The following MRGPRX3 variants were observed in gnomAD, a reference collection of about 807,000 sequenced individuals.
The protein encoded by MRGPRX3 is mas-related G protein-coupled receptor member X3.
MRGPRX3 carries 14 observed loss-of-function variants against 16.5 expected under a neutral mutation model. That is an observed-to-expected ratio of 0.85 (90% CI 0.56 to 1.33). MRGPRX3 has a LOEUF of 1.33. Ranked by LOEUF, MRGPRX3 falls within the 40% of genes most tolerant of loss-of-function variation. The probability of loss-of-function intolerance (pLI) is 0.00; values close to 1 mark genes in which losing one functional copy is unlikely to be tolerated. For missense variants in MRGPRX3, 449 were observed against 413.0 expected (o/e 1.09, Z -0.76); for synonymous variants, 199 against 180.1 (o/e 1.10, Z -0.84).
At position 18,137,728 on chromosome 11, in the gene MRGPRX3, T is replaced by A; in HGVS notation, c.526T>A (p.Ser176Thr). The change falls in exon 2 of 2, where the codon TCA (serine) becomes ACA (threonine). Residue 176 changes from serine to threonine, a missense_variant. Ser to Thr is a moderately conservative substitution (Grantham distance 58, BLOSUM62 1). Coordinates refer to ENST00000621697, the MANE Select transcript of MRGPRX3 (RefSeq NM_001370464.1). ...SGANSVWCET[S>T]DFITIAWLVF... ...TGCTAATTCTGTTTGGTGTGAAACG[T>A]CAGATTTCATTACAATCGCGTGGCT... 1 of 1,614,104 alleles carries A rather than the reference T, an allele frequency of 6.2e-7. No individual in the cohort carries two copies. The highest frequency in any genetic ancestry group is 8.5e-7 in the Non-Finnish European group (1 of 1,180,026).
chr11:18,124,584 G>C (rs1848871816), intron 1 of MRGPRX3, among the ~76,000 whole-genome samples: 1 of 152,168 alleles, frequency 6.6e-6, no homozygotes, highest in Non-Finnish European at 1.5e-5. Flanking sequence ...GCTGGATTCA[G>C]TTTGCCAGTA....
chr11:18,123,442 G>A (rs1362872354), intron 1 of MRGPRX3, among the ~76,000 whole-genome samples: 7 of 152,144 alleles, frequency 4.6e-5, no homozygotes, highest in African/African-American at 2.4e-5. Flanking sequence ...TATTAAATAG[G>A]GAATCCTTTC....
chr11:18,137,594 AC>A lies in MRGPRX3; in HGVS notation c.393del (p.Cys132AlafsTer80), dbSNP rs773349807. On this transcript the variant is annotated frameshift_variant, in exon 2 of 2. Transcript: ENST00000621697. LOFTEE classifies it high-confidence loss of function. ...TCCATCCTGTGGCCCATCTGGTACCACTGCCGCCGCCCCAGATACCTGTCAT... is the reference window on the plus strand; with the variant it reads ...TCCATCCTGTGGCCCATCTGGTACCATGCCGCCGCCCCAGATACCTGTCAT... ...CLSILWPIWY[H>X]CRRPRYLSSV... 1.2e-5 allele frequency: 20 copies of A among 1,613,994 alleles called. No individual in the cohort carries two copies. Among genetic ancestry groups the A allele is most frequent in the Non-Finnish European group, 1.7e-5 (20 of 1,179,992 alleles).
chr11:18,124,962 T>C (rs984992246), intron 1 of MRGPRX3, among the ~76,000 whole-genome samples: 9 of 152,240 alleles, frequency 5.9e-5, no homozygotes, highest in Admixed American at 2.6e-4. Context: ...CTAGATTTTC[T>C]AGTTTATTTG....
chr11:18,128,503 G>A (rs569224736), upstream of MRGPRX3, among the ~76,000 whole-genome samples: 1 of 152,316 alleles, frequency 6.6e-6, no homozygotes, highest in South Asian at 2.1e-4. Context: ...TAGCCTCACT[G>A]CCACCTTGCA....
chr11:18,128,657 T>A (rs1196424495), upstream of MRGPRX3, among the ~76,000 whole-genome samples: 1 of 152,200 alleles, frequency 6.6e-6, no homozygotes, highest in Non-Finnish European at 1.5e-5. Flanking sequence ...AGTGACCCGA[T>A]TTTCCAGGTG....
chr11:18,131,900 T>C (rs1848964008), upstream of MRGPRX3, among the ~76,000 whole-genome samples: 1 of 151,898 alleles, frequency 6.6e-6, no homozygotes, highest in Non-Finnish European at 1.5e-5. Flanking sequence ...CTCTGGGGAC[T>C]TGAGGGGAAG....
intron 1 of MRGPRX3, among the ~76,000 whole-genome samples, chr11:18,123,224 G>A (rs528440631): frequency 7.9e-5 from 12 of 152,170 alleles, no homozygotes; most frequent in Admixed American, 2.0e-4. Context: ...GGCTTTTGTT[G>A]CCATTGCTTT....
At chr11:18,122,483 C>A (rs1407473953) in intron 1 of MRGPRX3, among the ~76,000 whole-genome samples, 1 of 152,116 alleles carries the variant, frequency 6.6e-6, no homozygotes, top group East Asian at 1.9e-4. Context: ...TGATGGTTTC[C>A]AGCCCCATCC....
chr11:18,130,637 A>G (rs2134082717), upstream of MRGPRX3, among the ~76,000 whole-genome samples: 1 of 151,454 alleles, frequency 6.6e-6, no homozygotes, highest in South Asian at 2.1e-4. Context: ...CCAAAATATC[A>G]TCATCATTCT....
In MRGPRX3 at chr11:18,136,985, G is replaced by T. The variant is rs141932458; in HGVS notation, c.-25-193G>T. ...CAGAACTTGTGTGGCAGTAGAGAGAGGTCAGGCTTCAGAGTCAACAAGAAC... is the reference window on the plus strand; with the variant it reads ...CAGAACTTGTGTGGCAGTAGAGAGATGTCAGGCTTCAGAGTCAACAAGAAC... On this transcript the variant is annotated intron_variant, in intron 1 of 1. Coordinates refer to ENST00000621697, the MANE Select transcript of MRGPRX3 (RefSeq NM_001370464.1). Among the ~76,000 whole-genome samples, 669 of 152,268 alleles carry T rather than the reference G, an allele frequency of 4.4e-3. 7 individuals carry two copies. The highest frequency in any genetic ancestry group is 0.015 in the African/African-American group (627 of 41,538).
chr11:18,121,452 TG>T (rs966788455), intron 1 of MRGPRX3, among the ~76,000 whole-genome samples: 4 of 147,012 alleles, frequency 2.7e-5, no homozygotes, highest in African/African-American at 5.1e-5. Flanking sequence ...GGGAGGGAGG[TG>T]GGGGGGTTAG....
At position 18,137,689 on chromosome 11, in the gene MRGPRX3, T is replaced by C. The variant is rs750417450; in HGVS notation, c.487T>C (p.Phe163Leu). The change falls in exon 2 of 2, where the codon TTC becomes CTC. Residue 163 changes from phenylalanine (F) to leucine (L), a missense_variant. By Grantham distance (22) the Phe-to-Leu change is conservative (BLOSUM62 0). Transcript: ENST00000621697. ...RSILEWMFCD[F>L]LFSGANSVWC... is the part of the protein sequence containing the mutation. ...TATCCTGGAGTGGATGTTCTGTGAC[T>C]TCCTGTTTAGTGGTGCTAATTCTGT... is the stretch of plus-strand genomic sequence containing the variant. The C allele has an allele frequency of 7.4e-6, 12 of 1,614,010 alleles. No homozygotes were observed. Among genetic ancestry groups the C allele is most frequent in the Non-Finnish European group, 1.0e-5 (12 of 1,180,026 alleles).
Position 18,137,857 on chromosome 11 carries a change from C to G in MRGPRX3, c.655C>G (p.Leu219Val), listed in dbSNP as rs1244330924. 2 of 1,614,218 alleles carry G rather than the reference C, an allele frequency of 1.2e-6. No homozygotes were observed. The highest frequency in any genetic ancestry group is 1.7e-6 in the Non-Finnish European group (2 of 1,180,048). Residue 219 changes from leucine to valine, a missense_variant, in exon 2 of 2, where the codon CTC (leucine) becomes GTC (valine). Transcript: ENST00000621697. The part of the protein sequence containing the change: ...MPLTRLYVTI[L>V]LTVLVFLLCG... Reference sequence around the variant, plus strand: ...GCTGACCAGGCTGTACGTGACCATCCTCCTCACAGTGCTGGTCTTCCTCCT... The same window carrying G: ...GCTGACCAGGCTGTACGTGACCATCGTCCTCACAGTGCTGGTCTTCCTCCT...
At chr11:18,127,786 C>G (rs1848917331), upstream of MRGPRX3, among the ~76,000 whole-genome samples, 1 of 152,228 alleles carries the variant, frequency 6.6e-6, no homozygotes, top group Admixed American at 6.5e-5. Context: ...AAGTCATTCT[C>G]CGTCCAGCTT....
upstream of MRGPRX3, among the ~76,000 whole-genome samples, chr11:18,128,006 G>A (rs1219237272): frequency 6.6e-6 from 1 of 152,230 alleles, no homozygotes; most frequent in Non-Finnish European, 1.5e-5. Flanking sequence ...ACCCTCAGCT[G>A]CAGATCTGTT....
rs762121346 is a variant in MRGPRX3 at position 18,137,428 on chromosome 11, CT to C, written c.228del (p.Ser77AlafsTer25). 4 of 1,614,202 alleles carry C rather than the reference CT, an allele frequency of 2.5e-6. No homozygotes were observed. In the East Asian group the frequency reaches 8.9e-5, roughly 36 times the overall value. On this transcript the variant is annotated frameshift_variant, in exon 2 of 2. Coordinates refer to ENST00000621697, the MANE Select transcript of MRGPRX3 (RefSeq NM_001370464.1). LOFTEE classifies it high-confidence loss of function. ...LNLVAADFLFLSGHIICSPLR... is the reference protein window; with the variant it reads ...LNLVAADFLFXSGHIICSPLR... The stretch of plus-strand genomic sequence containing the variant: ...CCTGGTCGCGGCCGACTTCCTCTTC[CT>C]TAGCGGCCACATTATATGTTCGCCG...
intron 1 of MRGPRX3, among the ~76,000 whole-genome samples, chr11:18,124,300 A>G (rs1418517894): frequency 2.0e-5 from 3 of 152,206 alleles, no homozygotes; most frequent in Non-Finnish European, 4.4e-5. Flanking sequence ...GTTTTTGCCC[A>G]TTCAGTATGA....
rs1049696747 is a variant in MRGPRX3 at position 18,137,736 on chromosome 11, C to A, written c.534C>A (p.Phe178Leu). Residue 178 changes from phenylalanine (F) to leucine (L), a missense_variant, in exon 2 of 2, where the codon TTC (phenylalanine) becomes TTA (leucine). By Grantham distance (22) the Phe-to-Leu change is conservative. Transcript: ENST00000621697. ...ANSVWCETSD[F>L]ITIAWLVFLC... is the part of the protein sequence containing the mutation. ...CTGTTTGGTGTGAAACGTCAGATTTCATTACAATCGCGTGGCTGGTTTTTT... is the reference window on the plus strand; with the variant it reads ...CTGTTTGGTGTGAAACGTCAGATTTAATTACAATCGCGTGGCTGGTTTTTT... The A allele has an allele frequency of 9.3e-6, 15 of 1,613,932 alleles. No individual in the cohort carries two copies. Among genetic ancestry groups the A allele is most frequent in the African/African-American group, 1.3e-5 (1 of 74,882 alleles).
Sources: allele counts gnomAD v4.1 joint callset (sites outside exome capture counted in the v4.1 genomes callset), GRCh38; gene constraint gnomAD v4.1.1; transcripts MANE v1.5; gene names NCBI Gene and HGNC (gene_info 2026-07-23, HGNC 2026-07-21).